WDSUB1: variants seen among roughly 807,000 people sequenced by gnomAD.
The protein encoded by WDSUB1 is WD repeat, sterile alpha motif and U-box domain containing 1, also known as WD repeat, SAM and U-box domain-containing protein 1.
Under a neutral mutation model 53.9 loss-of-function variants are expected in WDSUB1, and 49 were observed. That is an observed-to-expected ratio of 0.91 (90% CI 0.72 to 1.15). The LOEUF (loss-of-function observed/expected upper bound fraction) is 1.15, where lower values mean the gene tolerates loss of function less well. Ranked by LOEUF, WDSUB1 falls within the 50% of genes most tolerant of loss-of-function variation. WDSUB1 has a pLI of 0.00. For synonymous variants in WDSUB1, 194 were observed against 200.6 expected, an observed-to-expected ratio of 0.97 and a Z score of 0.28; for missense variants, 514 against 562.0, an observed-to-expected ratio of 0.91 and a Z score of 0.86.
intron 4 of WDSUB1, among the ~76,000 whole-genome samples, chr2:159,272,724 T>TA (rs1186736114): frequency 6.6e-6 from 1 of 152,124 alleles, no homozygotes; most frequent in Non-Finnish European, 1.5e-5. Context: ...TCTCATCCTG[T>TA]AAAAAAATAC....
At chr2:159,237,290 C>T (rs2060507672) in intron 10 of WDSUB1, among the ~76,000 whole-genome samples, 1 of 152,110 alleles carries the variant, frequency 6.6e-6, no homozygotes. Context: ...GAGGCCAAGG[C>T]GGGTGGAGCC....
chr2:159,249,613 C>T (rs890406505), intron 9 of WDSUB1, among the ~76,000 whole-genome samples: 3 of 152,116 alleles, frequency 2.0e-5, no homozygotes, highest in Admixed American at 6.5e-5. Flanking sequence ...AGAGATAGTG[C>T]GTCCCTCCCT....
intron 1 of WDSUB1, among the ~76,000 whole-genome samples, chr2:159,284,221 C>T (rs958810007): frequency 6.6e-6 from 1 of 152,122 alleles, no homozygotes; most frequent in East Asian, 1.9e-4. Flanking sequence ...CGTTGTCATA[C>T]CAATAAATTT....
intron 10 of WDSUB1, among the ~76,000 whole-genome samples, chr2:159,240,982 C>T (rs2060628365): frequency 6.6e-6 from 1 of 152,118 alleles, no homozygotes; most frequent in Non-Finnish European, 1.5e-5. Context: ...TGAAACATTT[C>T]CAGAACTAGT....
At chr2:159,253,822 C>T (rs1447932071) in intron 9 of WDSUB1, among the ~76,000 whole-genome samples, 1 of 152,092 alleles carries the variant, frequency 6.6e-6, no homozygotes, top group Non-Finnish European at 1.5e-5. Flanking sequence ...TCTTAAAATT[C>T]AGGACTAAAA....
At chr2:159,258,049 C>CA in intron 6 of WDSUB1, 64 bp from the exon 7 acceptor site, 2 of 1,446,332 alleles carry the variant, frequency 1.4e-6, no homozygotes, top group Non-Finnish European at 1.9e-6. Context: ...GATGAAGACT[C>CA]ATTTGACATA....
At chr2:159,281,562 T>C (rs965216204) in intron 2 of WDSUB1, among the ~76,000 whole-genome samples, 1 of 152,186 alleles carries the variant, frequency 6.6e-6, no homozygotes, top group Non-Finnish European at 1.5e-5. Flanking sequence ...TGATAACACA[T>C]CACCACCACA....
intron 4 of WDSUB1, among the ~76,000 whole-genome samples, chr2:159,273,087 G>GT: frequency 6.6e-6 from 1 of 152,232 alleles, no homozygotes; most frequent in East Asian, 1.9e-4. Flanking sequence ...GGTCATCAGA[G>GT]TAAGTAAAAG....
At position 159,274,072 on chromosome 2, in the gene WDSUB1, G is replaced by A. The variant is rs149968377; in HGVS notation, c.676+1474C>T. On this transcript the variant is annotated intron_variant, in intron 4 of 10. Coordinates refer to ENST00000359774, the MANE Select transcript of WDSUB1 (RefSeq NM_001128212.3). ...ACACTGGTAAAGAGAGTGGGAAGAG[G>A]GGCATCAGCAAACCAGAAACTGAAT... 8.1e-3 allele frequency among the ~76,000 whole-genome samples: 1,229 copies of A among 152,198 alleles called. 10 individuals carry two copies. Among genetic ancestry groups the A allele is most frequent in the African/African-American group, 0.023 (948 of 41,486 alleles).
At chr2:159,236,331 C>G in intron 10 of WDSUB1, 141 bp from the exon 11 acceptor site, 1 of 813,696 alleles carries the variant, frequency 1.2e-6, no homozygotes, top group Non-Finnish European at 1.8e-6. Context: ...ACCAGCACCC[C>G]CAAAAATCTC....
At chr2:159,278,539 A>G (rs1349797707) in intron 3 of WDSUB1, among the ~76,000 whole-genome samples, 1 of 152,232 alleles carries the variant, frequency 6.6e-6, no homozygotes, top group Non-Finnish European at 1.5e-5. Context: ...CATGCAAAAA[A>G]AAGACTATAT....
rs187626599 is a variant in WDSUB1 at position 159,251,143 on chromosome 2, G to A, written c.1133-2631C>T. 4.7e-3 allele frequency among the ~76,000 whole-genome samples: 614 copies of A among 131,654 alleles called. 10 individuals carry two copies. Among genetic ancestry groups the A allele is most frequent in the African/African-American group, 0.015 (585 of 39,928 alleles). 86.4% of individuals were successfully genotyped at this position (131,654 alleles called of 152,430 possible). ...TAGCTGGGCATGGTGGTGCATACCT[G>A]TAGTCCCAGCTCCTCAGGAGGCTGA... On this transcript the variant is annotated intron_variant, in intron 9 of 10. Transcript: ENST00000359774.
At chr2:159,272,172 C>T (rs757700080) in intron 4 of WDSUB1, among the ~76,000 whole-genome samples, 7 of 152,162 alleles carry the variant, frequency 4.6e-5, no homozygotes, top group South Asian at 2.1e-4. Flanking sequence ...TGCAAAATCA[C>T]GTCAAACAGA....
intron 3 of WDSUB1, among the ~76,000 whole-genome samples, chr2:159,278,908 G>A (rs547515636): frequency 1.3e-5 from 2 of 151,982 alleles, no homozygotes; most frequent in Admixed American, 1.3e-4. Flanking sequence ...GCCATATGTG[G>A]GTATCAAAGA....
chr2:159,281,780 A>G (rs1180524443), intron 2 of WDSUB1, among the ~76,000 whole-genome samples: 1 of 152,346 alleles, frequency 6.6e-6, no homozygotes, highest in East Asian at 1.9e-4. Flanking sequence ...GTTCAAGAGC[A>G]GCCTGGCCAA....
chr2:159,280,708 A>AAAAAACAAAAAAAC (rs111752652), intron 2 of WDSUB1, among the ~76,000 whole-genome samples: 4 of 134,380 alleles, frequency 3.0e-5, no homozygotes, highest in African/African-American at 1.3e-4. Context: ...AAAAAAAAAA[A>AAAAAACAAAAAAAC]ATTACCCAGA....
intron 10 of WDSUB1, among the ~76,000 whole-genome samples, chr2:159,242,508 A>T (rs1431469631): frequency 2.0e-5 from 3 of 147,200 alleles, no homozygotes; most frequent in South Asian, 2.1e-4. Context: ...TAAAAATACA[A>T]AAAATTAGCT....
At chr2:159,285,888 T>G (rs376515315) in intron 1 of WDSUB1, among the ~76,000 whole-genome samples, 121 of 152,250 alleles carry the variant, frequency 7.9e-4, no homozygotes, top group African/African-American at 2.7e-3. Context: ...GACCAGGTGG[T>G]GCTTTCTGGA....
intron 9 of WDSUB1, among the ~76,000 whole-genome samples, chr2:159,249,303 T>TAAAC (rs1272011686): frequency 6.6e-6 from 1 of 152,268 alleles, no homozygotes; most frequent in African/African-American, 2.4e-5. Flanking sequence ...GTCCAAACCA[T>TAAAC]AAACAGTTTC....
Sources: gnomAD v4.1 joint callset for allele counts (sites outside exome capture counted in the v4.1 genomes callset) on GRCh38, gnomAD v4.1.1 for gene constraint, MANE v1.5 for transcripts, NCBI Gene and HGNC (gene_info 2026-07-23, HGNC 2026-07-21) for gene names.